Variants in KPNA7 observed in about 807,000 individuals in gnomAD.
KPNA7 encodes importin subunit alpha-8.
Under a neutral mutation model 53.7 loss-of-function variants are expected in KPNA7, and 54 were observed. The observed-to-expected ratio is 1.01, with a 90% CI of 0.81 to 1.26. The LOEUF is 1.26. KPNA7 is among the 50% of genes most tolerant of loss of function. KPNA7 has a pLI of 0.00. For missense variants in KPNA7, 640 were observed against 644.5 expected (o/e 0.99, Z 0.07); for synonymous variants, 276 against 259.3 (o/e 1.06, Z -0.62).
the KPNA7 span, among the ~76,000 whole-genome samples, chr7:99,167,268 C>T: frequency 6.6e-6 from 1 of 152,308 alleles, no homozygotes; most frequent in African/African-American, 2.4e-5. Context: ...CCTTCAGGGC[C>T]AGCCTTGCCT....
intron 7 of KPNA7, among the ~76,000 whole-genome samples, chr7:99,187,796 TTTTAAAAAAAAAAAAAAAAAAA>T (rs757832177): frequency 0.14 from 4,206 of 30,720 alleles, 140 homozygotes; most frequent in South Asian, 0.23. Context: ...CGGCCTTTTT[TTTTAAAAAAAAAAAAAAAAAAA>T]AAAAAAAAAA....
chr7:99,203,020 T>A, intron 3 of KPNA7, 86 bp downstream of exon 3: 1 of 1,472,614 alleles, frequency 6.8e-7, no homozygotes, highest in South Asian at 1.3e-5. Flanking sequence ...AGTTTGCAAG[T>A]TCTGAATCTA....
At chr7:99,205,007 CT>C (rs1177295676) in intron 2 of KPNA7, among the ~76,000 whole-genome samples, 2 of 152,204 alleles carry the variant, frequency 1.3e-5, no homozygotes, top group African/African-American at 4.8e-5. Flanking sequence ...TCTCTCTTCT[CT>C]TTGGCAGGCC....
At chr7:99,219,392 G>T (rs1791291373) in intron 1 of KPNA7, among the ~76,000 whole-genome samples, 1 of 152,184 alleles carries the variant, frequency 6.6e-6, no homozygotes, top group Non-Finnish European at 1.5e-5. Flanking sequence ...AAAAGCTGCT[G>T]TTGAATTAAT....
At chr7:99,170,935 G>A (rs1022088879), downstream of KPNA7, among the ~76,000 whole-genome samples, 4 of 152,100 alleles carry the variant, frequency 2.6e-5, no homozygotes, top group Non-Finnish European at 5.9e-5. Context: ...TGTCAACCAG[G>A]AGTCAAAACA....
the KPNA7 span, among the ~76,000 whole-genome samples, chr7:99,160,759 G>T: frequency 1.9e-4 from 29 of 152,030 alleles, no homozygotes; most frequent in Non-Finnish European, 5.9e-5. Flanking sequence ...GGATGAGTAG[G>T]GAAGCCAGCC....
At chr7:99,148,036 T>G in the KPNA7 span, among the ~76,000 whole-genome samples, 1 of 150,610 alleles carries the variant, frequency 6.6e-6, no homozygotes, top group Non-Finnish European at 1.5e-5. Context: ...AAAAAAAAAG[T>G]TGATTAAAAA....
intron 10 of KPNA7, among the ~76,000 whole-genome samples, chr7:99,174,694 C>G (rs1416595330): frequency 6.6e-6 from 1 of 152,146 alleles, no homozygotes; most frequent in Non-Finnish European, 1.5e-5. Flanking sequence ...GAACACCGTC[C>G]TGACAATGAG....
the KPNA7 span, among the ~76,000 whole-genome samples, chr7:99,150,437 G>T: frequency 2.1e-4 from 1 of 4,868 alleles, no homozygotes; most frequent in Non-Finnish European, 7.4e-4. Flanking sequence ...TTTTTGAGAC[G>T]GAGTTTCACT....
intron 10 of KPNA7, 147 bp from the exon 11 acceptor site, chr7:99,173,941 G>A (rs1798818423): frequency 3.4e-6 from 2 of 585,324 alleles, no homozygotes; most frequent in South Asian, 2.3e-5. Context: ...CATTCGCATT[G>A]TTGCGCAACC....
At chr7:99,194,981 C>T in intron 5 of KPNA7, 89 bp downstream of exon 5, 1 of 1,388,092 alleles carries the variant, frequency 7.2e-7, no homozygotes, top group Non-Finnish European at 9.7e-7. Flanking sequence ...TGTTCTGGGA[C>T]ATCGAGTATA....
At chr7:99,183,188 G>T (rs369845695) in intron 8 of KPNA7, among the ~76,000 whole-genome samples, 1 of 152,110 alleles carries the variant, frequency 6.6e-6, no homozygotes, top group African/African-American at 2.4e-5. Context: ...GGAGGCAGAG[G>T]TTGCAGTGAG....
chr7:99,166,926 C>T, the KPNA7 span, among the ~76,000 whole-genome samples: 21 of 152,298 alleles, frequency 1.4e-4, no homozygotes, highest in East Asian at 2.7e-3. Context: ...TCTAGTTACT[C>T]CCCTTTTGAC....
At chr7:99,196,004 T>G in intron 4 of KPNA7, 80 bp downstream of exon 4, 1 of 1,185,500 alleles carries the variant, frequency 8.4e-7, no homozygotes, top group Non-Finnish European at 1.2e-6. Context: ...AGAAACCAAA[T>G]AGGCCACCGG....
intron 3 of KPNA7, among the ~76,000 whole-genome samples, chr7:99,201,716 T>A (rs1433514462): frequency 1.3e-5 from 2 of 151,162 alleles, no homozygotes; most frequent in African/African-American, 4.9e-5. Context: ...TGGGGTTGTT[T>A]GTTGGAGTGA....
rs1457081145 is a variant in KPNA7 at position 99,188,281 on chromosome 7, G to A, written c.900+19C>T. On this transcript the variant is annotated intron_variant, in intron 7 of 10. Transcript: ENST00000327442. ...ATGACCCGAGGACTCGAATCCACAG[G>A]GCCCAGGATTGCATTTACCAAGACA... 8 of 1,544,464 alleles carry A rather than the reference G, an allele frequency of 5.2e-6. No homozygotes were observed. Among genetic ancestry groups the A allele is most frequent in the East Asian group, 4.9e-5 (2 of 40,716 alleles).
chr7:99,153,677 T>C, the KPNA7 span, among the ~76,000 whole-genome samples: 1 of 151,690 alleles, frequency 6.6e-6, no homozygotes, highest in African/African-American at 2.4e-5. Context: ...TTATAAATAA[T>C]AAAGGTTCCA....
At chr7:99,180,660 CCCATCTGT>C (rs1799146784) in intron 9 of KPNA7, among the ~76,000 whole-genome samples, 1 of 93,750 alleles carries the variant, frequency 1.1e-5, no homozygotes, top group Non-Finnish European at 2.6e-5. Context: ...TCTCTCTCTC[CCCATCTGT>C]GTGTGTGTCT....
At chr7:99,148,895 GTTTT>G in the KPNA7 span, among the ~76,000 whole-genome samples, 4 of 112,590 alleles carry the variant, frequency 3.6e-5, no homozygotes, top group African/African-American at 3.6e-5. Context: ...CCCAAGAACC[GTTTT>G]TTTTTTTTTT....
Sources: allele counts gnomAD v4.1 joint callset (sites outside exome capture counted in the v4.1 genomes callset), GRCh38; gene constraint gnomAD v4.1.1; transcripts MANE v1.5; gene names NCBI Gene and HGNC (gene_info 2026-07-23, HGNC 2026-07-21).